APBB2: variants seen among roughly 807,000 people sequenced by gnomAD.
APBB2 encodes the protein Fe65-like 1.
In APBB2, 38 loss-of-function variants were observed where a neutral mutation model predicts 82.5. The observed-to-expected ratio is 0.46, with a 90% confidence interval of 0.36 to 0.60. APBB2 has a LOEUF of 0.60. Among genes scored for constraint, APBB2 ranks in the 20% least tolerant of loss-of-function variants. The pLI, the probability that APBB2 is intolerant of heterozygous loss-of-function variation, is 0.00. For synonymous variants in APBB2, 341 were observed against 368.2 expected, an observed-to-expected ratio of 0.93 and a Z score of 0.85; for missense variants, 772 against 972.3, an observed-to-expected ratio of 0.79 and a Z score of 2.74.
chr4:41,072,093 T>C (rs1734097926), intron 3 of APBB2, among the ~76,000 whole-genome samples: 1 of 152,076 alleles, frequency 6.6e-6, no homozygotes, highest in African/African-American at 2.4e-5. Context: ...AAAGCACAGA[T>C]ATAAATACAC....
rs34024437 is a variant in APBB2 at position 40,832,049 on chromosome 4, C to CACACACACAT, written c.1530-1473_1530-1472insATGTGTGTGT. Among the ~76,000 whole-genome samples the CACACACACAT allele has an allele frequency of 8.8e-4, 133 of 151,630 alleles. No homozygotes were observed. The highest frequency in any genetic ancestry group is 3.0e-3 in the African/African-American group (125 of 41,342). On this transcript the variant is annotated intron_variant, in intron 12 of 17. Transcript: ENST00000508593. This position sits in a 1 kb window ranked among gnomAD's most constrained non-coding sequence, Gnocchi z 4.8. ...ACACACACACACACACACACACACA[C>CACACACACAT]ACATATACACCAAGCTTTACCCATC... is the stretch of plus-strand genomic sequence containing the variant.
chr4:41,017,545 T>C (rs1462964365), intron 5 of APBB2, among the ~76,000 whole-genome samples: 3 of 152,228 alleles, frequency 2.0e-5, no homozygotes, highest in Admixed American at 6.5e-5. Context: ...TGGTTAAAAA[T>C]GGGGATAATA....
intron 6 of APBB2, among the ~76,000 whole-genome samples, chr4:40,989,520 G>A (rs1233137669): frequency 7.7e-6 from 1 of 130,490 alleles, no homozygotes; most frequent in South Asian, 2.4e-4. Context: ...TTGAGTAGAA[G>A]GAGAAACTAC....
rs115329224 is a variant in APBB2, at chr4:40,980,640, C to T, written c.835+32943G>A. Among the ~76,000 whole-genome samples the T allele has an allele frequency of 4.2e-3, 645 of 152,134 alleles. 5 individuals are homozygous for T. Among genetic ancestry groups the T allele is most frequent in the African/African-American group, 0.014 (595 of 41,498 alleles). On this transcript the variant is annotated intron_variant, in intron 6 of 17. Coordinates refer to ENST00000508593, the MANE Select transcript of APBB2 (RefSeq NM_004307.2). ...TGTCAAAAACAGTAGAAATTATAGC[C>T]CTAAAGTTAGATAGATCTCTTCTTT...
chr4:40,821,726 C>T (rs1748002572), intron 17 of APBB2, 145 bp downstream of exon 17: 2 of 941,494 alleles, frequency 2.1e-6, no homozygotes, highest in African/African-American at 3.3e-5. Flanking sequence ...TGATTCTGGC[C>T]CTAGGAATGA....
chr4:40,932,133 G>C (rs144797456), intron 10 of APBB2, among the ~76,000 whole-genome samples: 49 of 152,302 alleles, frequency 3.2e-4, no homozygotes, highest in Non-Finnish European at 6.0e-4. Context: ...TCCATTCCAT[G>C]CTTTCCCTCT....
chr4:40,939,100 G>A (rs1786157408), intron 7 of APBB2, among the ~76,000 whole-genome samples: 1 of 152,186 alleles, frequency 6.6e-6, no homozygotes, highest in Non-Finnish European at 1.5e-5. Flanking sequence ...CTCATCAGAT[G>A]CAGTCTCTCG....
At chr4:40,856,879 G>T in intron 12 of APBB2, 1 of 921,488 alleles carries the variant, frequency 1.1e-6, no homozygotes, top group Non-Finnish European at 1.3e-6. Context: ...GCTAAGCGCT[G>T]ACTCGGGGAA....
chr4:40,926,307 C>T (rs930010409), intron 10 of APBB2, among the ~76,000 whole-genome samples: 1 of 152,184 alleles, frequency 6.6e-6, no homozygotes, highest in African/African-American at 2.4e-5. Flanking sequence ...GGTACAGTAA[C>T]GTGTGAAAAG....
At chr4:40,820,148 C>T (rs59635438) in intron 17 of APBB2, among the ~76,000 whole-genome samples, 2,852 of 152,228 alleles carry the variant, frequency 0.019, 88 homozygotes, top group African/African-American at 0.066. Flanking sequence ...TAAATGAAGC[C>T]CAGGGGCTTC....
chr4:41,181,942 CAAAAAAAAAAAAA>C lies in APBB2; in HGVS notation c.-417+32450_-417+32462del, dbSNP rs35142945. Reference sequence around the variant, plus strand: ...CTGGGCAACAAGAGTGAAACTGTCTCAAAAAAAAAAAAAAAAAAAGAAAAAGAAAAAAGAAAGG... The same window carrying C: ...CTGGGCAACAAGAGTGAAACTGTCTCAAAAAAGAAAAAGAAAAAAGAAAGG... On this transcript the variant is annotated intron_variant, in intron 1 of 17. Transcript: ENST00000508593. Among the ~76,000 whole-genome samples the C allele has an allele frequency of 3.2e-5, 3 of 93,884 alleles. No individual in the cohort carries two copies. In the East Asian group the frequency reaches 1.2e-3, roughly 37 times the overall value. The allele number at this position is 93,884 out of a possible 152,430, so 61.6% of individuals were successfully genotyped here. A position where few individuals can be genotyped will look rare whatever the true frequency, so the allele number is the denominator to read the frequency against.
At chr4:41,083,410 G>A (rs1336266415) in intron 3 of APBB2, among the ~76,000 whole-genome samples, 1 of 151,972 alleles carries the variant, frequency 6.6e-6, no homozygotes, top group Non-Finnish European at 1.5e-5. Flanking sequence ...TTACATTGTG[G>A]CCGGGTGCAG....
chr4:40,900,093 C>A (rs575216576), intron 10 of APBB2, among the ~76,000 whole-genome samples: 2 of 152,130 alleles, frequency 1.3e-5, no homozygotes, highest in African/African-American at 4.8e-5. Flanking sequence ...TGTTAGAAAA[C>A]GAAAAGAGTT....
intron 6 of APBB2, among the ~76,000 whole-genome samples, chr4:41,002,912 C>CCT (rs1805622907): frequency 2.4e-5 from 1 of 41,308 alleles, no homozygotes; most frequent in Non-Finnish European, 4.9e-5. Context: ...TTAATAAAAT[C>CCT]CTATGTTTCC....
rs190990984 is a variant in APBB2, at chr4:40,888,528, T to C, written c.1529+1836A>G. Reference sequence around the variant, plus strand: ...GCTCCTGCCTCGCACAAGTATGTAATGTCACAAGCTCCACACTTTGGCCCC... The same window carrying C: ...GCTCCTGCCTCGCACAAGTATGTAACGTCACAAGCTCCACACTTTGGCCCC... On this transcript the variant is annotated intron_variant, in intron 12 of 17. Transcript: ENST00000508593. Among the ~76,000 whole-genome samples, 16 of 151,096 alleles carry C rather than the reference T, an allele frequency of 1.1e-4. 1 individual carries two copies. The East Asian group carries it at 2.9e-3, about 28-fold the overall frequency.
chr4:41,184,092 C>A (rs767839229), intron 1 of APBB2, among the ~76,000 whole-genome samples: 6 of 151,944 alleles, frequency 3.9e-5, no homozygotes, highest in Non-Finnish European at 7.4e-5. Flanking sequence ...GTGCAGTTCA[C>A]AATAGGATTC....
chr4:41,033,296 A>G lies in APBB2; in HGVS notation c.-42T>C, dbSNP rs962028055. On this transcript the variant is annotated 5_prime_UTR_variant, in exon 5 of 18. Coordinates refer to ENST00000508593, the MANE Select transcript of APBB2 (RefSeq NM_004307.2). ...GCAATGGTGCAGGAAATAGGTTATA[A>G]TTTGAAATCTAAAAAGAAGGGATCA... The G allele has an allele frequency of 1.3e-6, 2 of 1,576,212 alleles. No homozygotes were observed. The highest frequency in any genetic ancestry group is 1.7e-6 in the Non-Finnish European group (2 of 1,160,544).
At chr4:41,203,133 A>T (rs917332816) in intron 1 of APBB2, among the ~76,000 whole-genome samples, 4 of 152,162 alleles carry the variant, frequency 2.6e-5, no homozygotes, top group Non-Finnish European at 4.4e-5. Context: ...AAGAAAAGAT[A>T]AAAATTCAAT....
At chr4:41,063,841 G>C (rs1335060633) in intron 4 of APBB2, among the ~76,000 whole-genome samples, 1 of 151,490 alleles carries the variant, frequency 6.6e-6, no homozygotes, top group Non-Finnish European at 1.5e-5. Context: ...ACCATACCTG[G>C]CTAATTTTTG....
Sources: gnomAD v4.1 joint callset for allele counts (sites outside exome capture counted in the v4.1 genomes callset) on GRCh38, gnomAD v4.1.1 for gene constraint, Gnocchi (gnomAD v3.1) non-coding constraint, MANE v1.5 for transcripts, NCBI Gene and HGNC (gene_info 2026-07-23, HGNC 2026-07-21) for gene names.